The following SYNJ1 variants were observed in gnomAD, a reference collection of about 807,000 sequenced individuals.
SYNJ1 encodes polyphosphatidylinositol phosphatase SYNJ1.
SYNJ1 carries 78 observed loss-of-function variants against 168.2 expected under a neutral mutation model. The observed-to-expected ratio is 0.46, with a 90% confidence interval of 0.39 to 0.56. The LOEUF (loss-of-function observed/expected upper bound fraction) is 0.56, where lower values mean the gene tolerates loss of function less well. Ranked by LOEUF, SYNJ1 falls within the 20% of genes least tolerant of loss-of-function variation. The pLI is 0.00. For missense variants in SYNJ1, 1,303 were observed against 1,597.6 expected, an observed-to-expected ratio of 0.82 and a Z score of 3.14; for synonymous variants, 539 against 548.6, an observed-to-expected ratio of 0.98 and a Z score of 0.24.
intron 12 of SYNJ1, among the ~76,000 whole-genome samples, chr21:32,677,600 C>T (rs953485511): frequency 7.9e-5 from 12 of 152,134 alleles, no homozygotes; most frequent in African/African-American, 2.9e-4. Flanking sequence ...AAACACAAAT[C>T]AGTCAAGTCT....
intron 1 of SYNJ1, 151 bp from the exon 2 acceptor site, chr21:32,727,068 C>T: frequency 9.7e-7 from 1 of 1,034,492 alleles, no homozygotes; most frequent in Non-Finnish European, 1.4e-6. Flanking sequence ...TGGCTTTTTC[C>T]AAAAGATAAG....
chr21:32,648,346 T>A (rs909679334), intron 23 of SYNJ1, among the ~76,000 whole-genome samples: 1 of 152,170 alleles, frequency 6.6e-6, no homozygotes, highest in Non-Finnish European at 1.5e-5. Context: ...TCCATCCATA[T>A]CAATTTACCA....
intron 14 of SYNJ1, chr21:32,670,969 A>T (rs2041162970): frequency 4.0e-6 from 1 of 252,772 alleles, no homozygotes; most frequent in African/African-American, 2.3e-5. Context: ...GCCCAGGGAG[A>T]CTTCGGGTGC....
intron 30 of SYNJ1, 121 bp downstream of exon 30, chr21:32,639,550 C>T: frequency 1.3e-6 from 1 of 752,362 alleles, no homozygotes; most frequent in Non-Finnish European, 2.2e-6. Context: ...TGCCATCACC[C>T]CTGGCTAATT....
intron 6 of SYNJ1, among the ~76,000 whole-genome samples, chr21:32,691,898 G>A (rs2042039379): frequency 6.6e-6 from 1 of 152,212 alleles, no homozygotes; most frequent in African/African-American, 2.4e-5. Context: ...TTTGGAAGTA[G>A]AGGATTCCTG....
intron 2 of SYNJ1, among the ~76,000 whole-genome samples, chr21:32,705,131 G>C (rs2042561691): frequency 6.7e-6 from 1 of 148,412 alleles, no homozygotes; most frequent in African/African-American, 2.5e-5. Flanking sequence ...CCTGGTGACA[G>C]AGTGAGACTC....
In SYNJ1 at chr21:32,693,196, AAT is replaced by A. The variant is rs754157546; in HGVS notation, c.789+1030_789+1031del. Among the ~76,000 whole-genome samples the A allele has an allele frequency of 6.9e-4, 105 of 152,312 alleles. 1 individual carries two copies. Among genetic ancestry groups the A allele is most frequent in the Non-Finnish European group, 1.1e-3 (76 of 68,024 alleles). On this transcript the variant is annotated intron_variant, in intron 6 of 32. Transcript: ENST00000674351. Reference sequence around the variant, plus strand: ...CCTCGCATCACATCAGGGTTTCAGCAATGTTCTTAAAGCAAATACTCCAAACA... The same window carrying A: ...CCTCGCATCACATCAGGGTTTCAGCAGTTCTTAAAGCAAATACTCCAAACA...
intron 32 of SYNJ1, among the ~76,000 whole-genome samples, chr21:32,633,727 AC>A (rs2039444145): frequency 6.6e-6 from 1 of 152,266 alleles, no homozygotes; most frequent in Non-Finnish European, 1.5e-5. Flanking sequence ...AAGGATGTTC[AC>A]TTGTAAAAGG....
chr21:32,632,829 G>C (rs2039398774), intron 32 of SYNJ1, among the ~76,000 whole-genome samples: 1 of 152,106 alleles, frequency 6.6e-6, no homozygotes, highest in African/African-American at 2.4e-5. Context: ...AGACCAGCCT[G>C]GCCAACATAA....
Position 32,700,727 on chromosome 21 carries a change from T to TA in SYNJ1, c.212-623dup, listed in dbSNP as rs2042370122. Among the ~76,000 whole-genome samples the TA allele has an allele frequency of 2.0e-5, 3 of 152,354 alleles. No homozygotes were observed. In the South Asian group the frequency reaches 6.2e-4, roughly 32 times the overall value. On this transcript the variant is annotated intron_variant, in intron 3 of 32. Coordinates refer to ENST00000674351, the MANE Select transcript of SYNJ1 (RefSeq NM_203446.3). ...ATAAAAAAGTATGTGTTACCTTCTCTACTTTTGCTTAATGATTGTCAGAAA... is the reference window on the plus strand; with the variant it reads ...ATAAAAAAGTATGTGTTACCTTCTCTAACTTTTGCTTAATGATTGTCAGAAA...
intron 14 of SYNJ1, 143 bp from the exon 15 acceptor site, chr21:32,670,515 C>A: frequency 1.0e-5 from 7 of 670,636 alleles, no homozygotes; most frequent in Non-Finnish European, 1.4e-5. Flanking sequence ...GGCAAACACT[C>A]TTGAGTGGAA....
intron 6 of SYNJ1, among the ~76,000 whole-genome samples, chr21:32,691,567 C>T (rs2042027203): frequency 6.6e-6 from 1 of 152,104 alleles, no homozygotes; most frequent in African/African-American, 2.4e-5. Context: ...GTTATAAATG[C>T]TAAACAACTT....
chr21:32,641,880 G>A lies in SYNJ1; in HGVS notation c.3588+16C>T. 6.3e-7 allele frequency: 1 copy of A among 1,595,042 alleles called. No individual in the cohort carries two copies. Reference sequence around the variant, plus strand: ...TAGAACCGAGACCCCTTGGCCCCAGGCGAGGTTTTACCTACCGGTCTGGCT... The same window carrying A: ...TAGAACCGAGACCCCTTGGCCCCAGACGAGGTTTTACCTACCGGTCTGGCT... On this transcript the variant is annotated intron_variant, in intron 29 of 32. Coordinates refer to ENST00000674351, the MANE Select transcript of SYNJ1 (RefSeq NM_203446.3).
At chr21:32,727,444 G>A (rs762891625) in intron 1 of SYNJ1, among the ~76,000 whole-genome samples, 9 of 152,180 alleles carry the variant, frequency 5.9e-5, no homozygotes, top group Non-Finnish European at 1.0e-4. Context: ...GAAGGGCAAG[G>A]GAAAAGGCAC....
At chr21:32,654,302 G>A (rs886446380) in intron 21 of SYNJ1, among the ~76,000 whole-genome samples, 5 of 152,114 alleles carry the variant, frequency 3.3e-5, no homozygotes, top group Non-Finnish European at 7.3e-5. Context: ...CTTCACCCTG[G>A]TAAAATCAAG....
intron 22 of SYNJ1, among the ~76,000 whole-genome samples, chr21:32,652,632 T>A (rs983558571): frequency 2.0e-5 from 3 of 152,230 alleles, no homozygotes; most frequent in Non-Finnish European, 4.4e-5. Context: ...GTGCACTGAC[T>A]ATATACTTAG....
intron 2 of SYNJ1, among the ~76,000 whole-genome samples, chr21:32,721,970 G>A (rs1469060640): frequency 6.6e-6 from 1 of 151,640 alleles, no homozygotes; most frequent in African/African-American, 2.4e-5. Context: ...CGGATCACCT[G>A]AGGTCGGGAG....
Position 32,673,386 on chromosome 21 carries a change from G to C in SYNJ1, c.1680C>G (p.Asp560Glu). The C allele has an allele frequency of 6.2e-7, 1 of 1,613,364 alleles. No homozygotes were observed. The highest frequency in any genetic ancestry group is 8.5e-7 in the Non-Finnish European group (1 of 1,179,696). The stretch of plus-strand genomic sequence containing the variant: ...CTAACTTGGGTGCATCAAGAAGCCA[G>C]TCAGTGAGTGTCTGATTCTTAAAAG... Reference protein sequence around the residue: ...SIAFKNQTLTDWLLDAPKLAG... With the variant: ...SIAFKNQTLTEWLLDAPKLAG... The change falls in exon 14 of 33, where the codon GAC (aspartate) becomes GAG (glutamate). Residue 560 changes from aspartate to glutamate, a missense_variant. Physicochemically the swap from Asp to Glu is conservative, Grantham distance 45 (BLOSUM62 2). Transcript: ENST00000674351.
chr21:32,715,450 G>C (rs961896002), intron 2 of SYNJ1, among the ~76,000 whole-genome samples: 21 of 151,420 alleles, frequency 1.4e-4, no homozygotes, highest in Non-Finnish European at 2.9e-4. Context: ...CTCCAGCCTG[G>C]GCAACAAAGT....
Sources: gnomAD v4.1 joint callset for allele counts (sites outside exome capture counted in the v4.1 genomes callset) on GRCh38, gnomAD v4.1.1 for gene constraint, MANE v1.5 for transcripts, NCBI Gene and HGNC (gene_info 2026-07-23, HGNC 2026-07-21) for gene names.